AARS1: variants seen among roughly 807,000 people sequenced by gnomAD.
AARS1 encodes the protein alanine--tRNA ligase, cytoplasmic.
In AARS1, 72 loss-of-function variants were observed where a neutral mutation model predicts 108.9. That is an observed-to-expected ratio of 0.66 (90% confidence interval 0.55 to 0.80). The LOEUF is 0.80. Ranked by LOEUF, AARS1 falls within the 30% of genes least tolerant of loss-of-function variation. The probability of loss-of-function intolerance (pLI) is 0.00; values close to 1 mark genes in which losing one functional copy is unlikely to be tolerated. For missense variants in AARS1, 1,193 were observed against 1,233.2 expected (o/e 0.97, Z 0.49); for synonymous variants, 489 against 465.7 (o/e 1.05, Z -0.64).
chr16:70,271,878 A>G lies in AARS1; in HGVS notation c.574T>C (p.Tyr192His). The G allele has an allele frequency of 6.2e-7, 1 of 1,614,032 alleles. No homozygotes were observed. Among genetic ancestry groups the G allele is most frequent in the Non-Finnish European group, 8.5e-7 (1 of 1,179,938 alleles). Reference protein sequence around the residue: ...GPCGPCSEIHYDRIGGRDAAH... With the variant: ...GPCGPCSEIHHDRIGGRDAAH... ...GCGTCCCGACCACCAATCCGGTCGT[A>G]GTGGATCTCACTGCAAGGACCACAG... The change falls in exon 5 of 21, where the codon TAC becomes CAC. Residue 192 changes from tyrosine to histidine, a missense_variant. Coordinates refer to ENST00000261772, the MANE Select transcript of AARS1 (RefSeq NM_001605.3).
intron 1 of AARS1, among the ~76,000 whole-genome samples, chr16:70,283,628 G>T (rs148852649): frequency 6.6e-6 from 1 of 152,254 alleles, no homozygotes; most frequent in Admixed American, 6.5e-5. Flanking sequence ...AGTTCCACTA[G>T]CCCCAAAGTC....
chr16:70,265,072 C>T lies in AARS1; in HGVS notation c.1378G>A (p.Glu460Lys), dbSNP rs1960231421. The T allele has an allele frequency of 3.1e-6, 5 of 1,614,020 alleles. No homozygotes were observed. The highest frequency in any genetic ancestry group is 4.2e-6 in the Non-Finnish European group (5 of 1,180,046). The change falls in exon 11 of 21, where the codon GAA becomes AAA. Residue 460 changes from glutamate to lysine, a missense_variant. Physicochemically the swap from Glu to Lys is moderately conservative, Grantham distance 56. Coordinates refer to ENST00000261772, the MANE Select transcript of AARS1 (RefSeq NM_001605.3). The part of the protein sequence containing the change: ...LKSQGKGAGG[E>K]DLIMLDIYAI... ...TAAATGTCCAGCATAATGAGGTCTT[C>T]CCCACCAGCTCCCTTGCCCTGTGAT...
intron 1 of AARS1, among the ~76,000 whole-genome samples, chr16:70,286,394 G>C (rs1299942415): frequency 6.9e-6 from 1 of 145,404 alleles, no homozygotes; most frequent in Non-Finnish European, 1.5e-5. Flanking sequence ...TTTGAGACAG[G>C]GTCTCCCTCT....
intron 6 of AARS1, 71 bp from the exon 7 acceptor site, chr16:70,269,834 C>T (rs1960354655): frequency 1.9e-6 from 3 of 1,593,740 alleles, no homozygotes; most frequent in Admixed American, 1.7e-5. Flanking sequence ...CAAGGAGGTT[C>T]CTGGAGGATT....
chr16:70,254,410 C>G, intron 17 of AARS1: 1 of 611,256 alleles, frequency 1.6e-6, no homozygotes, highest in Non-Finnish European at 3.0e-6. Context: ...AAGAGCTCTC[C>G]TGCTAGCAGC....
chr16:70,266,597 T>C (rs554161699), intron 9 of AARS1, among the ~76,000 whole-genome samples: 4 of 150,430 alleles, frequency 2.7e-5, no homozygotes, highest in South Asian at 2.1e-4. Context: ...TCTCGGCTCA[T>C]TGCACTCTCC....
In AARS1 at chr16:70,265,583, C is replaced by G; in HGVS notation, c.1302G>C (p.Leu434=). ...LTGLIAEEKG[L]VVDMDGFEEE... ...CTTCAAAGCCATCCATGTCTACCAC[C>G]AGGCCCTTCTCTTCAGCAATCAGTC... The change falls in exon 10 of 21, where the codon CTG becomes CTC. Residue 434 remains leucine (L), a synonymous_variant. Transcript: ENST00000261772. 1 of 1,614,062 alleles carries G rather than the reference C, an allele frequency of 6.2e-7. No individual in the cohort carries two copies. The highest frequency in any genetic ancestry group is 8.5e-7 in the Non-Finnish European group (1 of 1,179,974).
intron 15 of AARS1, among the ~76,000 whole-genome samples, chr16:70,257,383 C>T (rs1289097102): frequency 6.6e-6 from 1 of 152,138 alleles, no homozygotes; most frequent in African/African-American, 2.4e-5. Flanking sequence ...CCACTACACT[C>T]CACCCTGCGG....
At chr16:70,278,611 G>C (rs1960612708) in intron 2 of AARS1, among the ~76,000 whole-genome samples, 1 of 151,448 alleles carries the variant, frequency 6.6e-6, no homozygotes, top group African/African-American at 2.4e-5. Flanking sequence ...TAGAAATTCT[G>C]TTCCTCAGTC....
At chr16:70,254,263 T>C in intron 17 of AARS1, 1 of 635,504 alleles carries the variant, frequency 1.6e-6, no homozygotes, top group Non-Finnish European at 2.8e-6. Context: ...GGCCCGGTCC[T>C]TACCAGGCTG....
chr16:70,287,511 G>A (rs1314389985), intron 1 of AARS1, among the ~76,000 whole-genome samples: 4 of 151,404 alleles, frequency 2.6e-5, no homozygotes, highest in Admixed American at 2.0e-4. Flanking sequence ...GCTGAAACAG[G>A]AGGATTGCTT....
At chr16:70,275,938 A>AAT (rs1266188548) in intron 4 of AARS1, 3 of 134,980 alleles carry the variant, frequency 2.2e-5, no homozygotes, top group Non-Finnish European at 4.6e-5. Flanking sequence ...CTCCATCTCA[A>AAT]AAAAAAAAAA....
chr16:70,255,193 C>CTTT (rs1567601605), intron 16 of AARS1, among the ~76,000 whole-genome samples: 8 of 124,740 alleles, frequency 6.4e-5, no homozygotes, highest in African/African-American at 2.2e-4. Flanking sequence ...GCCAGATTCA[C>CTTT]ATTTTTTTTT....
chr16:70,265,058 C>G lies in AARS1; in HGVS notation c.1392G>C (p.Met464Ile). 6.2e-7 allele frequency: 1 copy of G among 1,614,148 alleles called. No individual in the cohort carries two copies. The highest frequency in any genetic ancestry group is 8.5e-7 in the Non-Finnish European group (1 of 1,180,022). ...GKGAGGEDLI[M>I]LDIYAIEELR... ...GCTCTTCGATAGCGTAAATGTCCAGCATAATGAGGTCTTCCCCACCAGCTC... is the reference window on the plus strand; with the variant it reads ...GCTCTTCGATAGCGTAAATGTCCAGGATAATGAGGTCTTCCCCACCAGCTC... Residue 464 changes from methionine to isoleucine, a missense_variant, in exon 11 of 21, where the codon ATG becomes ATC. Physicochemically the swap from Met to Ile is conservative, Grantham distance 10. Coordinates refer to ENST00000261772, the MANE Select transcript of AARS1 (RefSeq NM_001605.3).
chr16:70,261,178 G>A (rs761688564), intron 12 of AARS1, 21 bp from the exon 13 acceptor site: 3 of 1,549,788 alleles, frequency 1.9e-6, no homozygotes, highest in Non-Finnish European at 2.7e-6. Context: ...TCAAGGAAGA[G>A]ACCAATAAAT....
intron 12 of AARS1, among the ~76,000 whole-genome samples, chr16:70,261,645 TA>T (rs1960135395): frequency 6.9e-6 from 1 of 144,562 alleles, no homozygotes; most frequent in African/African-American, 2.6e-5. Context: ...CACACAGACA[TA>T]ACCAATATTA....
intron 15 of AARS1, among the ~76,000 whole-genome samples, chr16:70,257,255 A>G (rs548473324): frequency 1.3e-3 from 190 of 151,804 alleles, no homozygotes; most frequent in African/African-American, 4.1e-3. Context: ...AAAAAAAAAA[A>G]AGAATGTTCT....
intron 4 of AARS1, 72 bp downstream of exon 4, chr16:70,276,414 C>A: frequency 6.5e-7 from 1 of 1,546,878 alleles, no homozygotes; most frequent in South Asian, 1.1e-5. Context: ...TATTCCAGGT[C>A]ATAAAACCCC....
intron 7 of AARS1, 75 bp from the exon 8 acceptor site, chr16:70,268,454 A>C: frequency 8.3e-7 from 1 of 1,209,964 alleles, no homozygotes; most frequent in Non-Finnish European, 1.2e-6. Flanking sequence ...ATCCTACCCA[A>C]AGCAACACCT....
Sources: gnomAD v4.1 joint callset for allele counts (sites outside exome capture counted in the v4.1 genomes callset) on GRCh38, gnomAD v4.1.1 for gene constraint, MANE v1.5 for transcripts, NCBI Gene and HGNC (gene_info 2026-07-23, HGNC 2026-07-21) for gene names.